Variants in DYNC2I2 observed in about 807,000 individuals in gnomAD.
DYNC2I2 encodes cytoplasmic dynein 2 intermediate chain 2.
In DYNC2I2, 39 loss-of-function variants were observed where a neutral mutation model predicts 52.0. That is an observed-to-expected ratio of 0.75 (90% CI 0.58 to 0.98). The LOEUF (loss-of-function observed/expected upper bound fraction) is 0.98, where lower values mean the gene tolerates loss of function less well. DYNC2I2 is among the 50% of genes least tolerant of loss of function. DYNC2I2 has a pLI of 0.00. For synonymous variants in DYNC2I2, 359 were observed against 321.1 expected, an observed-to-expected ratio of 1.12 and a Z score of -1.26; for missense variants, 743 against 728.4, an observed-to-expected ratio of 1.02 and a Z score of -0.23.
At chr9:128,657,095 G>T (rs150225188), upstream of DYNC2I2, among the ~76,000 whole-genome samples, 568 of 152,356 alleles carry the variant, frequency 3.7e-3, 10 homozygotes, top group East Asian at 0.012. Flanking sequence ...GGGCCTGGGA[G>T]CGCAGATCTG....
At chr9:128,683,571 G>C in the DYNC2I2 span, 1 of 283,058 alleles carries the variant, frequency 3.5e-6, no homozygotes, top group Non-Finnish European at 6.7e-6. Context: ...TAGGCTGCGG[G>C]GGTTTCACGT....
chr9:128,684,060 ACT>A, the DYNC2I2 span: 5 of 1,408,678 alleles, frequency 3.5e-6, no homozygotes, highest in East Asian at 2.5e-5. Context: ...GCAAGGATTG[ACT>A]CTCTGATTTT....
the DYNC2I2 span, among the ~76,000 whole-genome samples, chr9:128,671,869 G>C: frequency 1.3e-5 from 2 of 151,620 alleles, no homozygotes; most frequent in Admixed American, 6.6e-5. Flanking sequence ...TAGCCAGGAT[G>C]GTCTCGATCT....
intron 1 of DYNC2I2, 63 bp downstream of exon 1, chr9:128,656,478 G>T (rs187392767): frequency 7.6e-6 from 9 of 1,190,364 alleles, no homozygotes; most frequent in Non-Finnish European, 9.3e-6. Context: ...GAACCCGCCC[G>T]GCAGCCGCGC....
chr9:128,682,266 T>C, the DYNC2I2 span, among the ~76,000 whole-genome samples: 4 of 151,914 alleles, frequency 2.6e-5, no homozygotes, highest in African/African-American at 9.7e-5. Flanking sequence ...GCCAGGACGA[T>C]CTCGATCTCC....
At chr9:128,661,784 G>A (rs535392622), upstream of DYNC2I2, among the ~76,000 whole-genome samples, 2 of 151,714 alleles carry the variant, frequency 1.3e-5, no homozygotes, top group East Asian at 3.9e-4. Flanking sequence ...GCTCATGCCT[G>A]TAATCCCAGC....
chr9:128,636,820 C>G, intron 3 of DYNC2I2, 98 bp downstream of exon 3: 2 of 950,402 alleles, frequency 2.1e-6, no homozygotes, highest in South Asian at 1.5e-5. Flanking sequence ...GATGGCCAAG[C>G]TCTTAGAACC....
chr9:128,640,123 T>C (rs1408037799), intron 2 of DYNC2I2, among the ~76,000 whole-genome samples: 5 of 151,440 alleles, frequency 3.3e-5, no homozygotes, highest in Non-Finnish European at 7.4e-5. Context: ...TTCTCCTGCC[T>C]CAGCCTCCAG....
chr9:128,659,351 C>T (rs1010997490), upstream of DYNC2I2, among the ~76,000 whole-genome samples: 3 of 151,550 alleles, frequency 2.0e-5, no homozygotes, highest in East Asian at 2.0e-4. Context: ...AAAAATTAGC[C>T]GGGCGTGGTG....
At chr9:128,634,137 G>C (rs922022115) in intron 8 of DYNC2I2, 89 bp downstream of exon 8, 9 of 1,582,850 alleles carry the variant, frequency 5.7e-6, no homozygotes, top group Non-Finnish European at 7.7e-6. Context: ...CCCATGTGTG[G>C]TCTTTTCCCC....
Position 128,640,801 on chromosome 9 carries a change from C to G in DYNC2I2, c.325G>C (p.Ala109Pro). 1 of 1,614,186 alleles carries G rather than the reference C, an allele frequency of 6.2e-7. No individual in the cohort carries two copies. Among genetic ancestry groups the G allele is most frequent in the Non-Finnish European group, 8.5e-7 (1 of 1,180,042 alleles). Reference sequence around the variant, plus strand: ...GCCTCCACTCTCCGAAGAAAGGCTGCGAGCCTGGGTATGTCATACTGGGAC... The same window carrying G: ...GCCTCCACTCTCCGAAGAAAGGCTGGGAGCCTGGGTATGTCATACTGGGAC... ...PPSQYDIPRL[A>P]AFLRRVEAMV... The change falls in exon 2 of 9, where the codon GCA becomes CCA. Residue 109 changes from alanine (A) to proline (P), a missense_variant. By Grantham distance (27) the Ala-to-Pro change is conservative. Coordinates refer to ENST00000372715, the MANE Select transcript of DYNC2I2 (RefSeq NM_052844.4).
the DYNC2I2 span, among the ~76,000 whole-genome samples, chr9:128,672,832 G>A: frequency 6.6e-6 from 1 of 152,108 alleles, no homozygotes; most frequent in Non-Finnish European, 1.5e-5. Context: ...AGACCATCCT[G>A]GCTAACATGG....
chr9:128,672,620 A>G, the DYNC2I2 span, among the ~76,000 whole-genome samples: 1 of 152,146 alleles, frequency 6.6e-6, no homozygotes, highest in Non-Finnish European at 1.5e-5. Flanking sequence ...GAAAAAAAAA[A>G]AGGAAAAAAA....
the DYNC2I2 span, among the ~76,000 whole-genome samples, chr9:128,666,336 C>T: frequency 2.1e-5 from 3 of 143,490 alleles, no homozygotes; most frequent in East Asian, 2.1e-4. Flanking sequence ...GAACCAAGAT[C>T]GTGCCACTGC....
chr9:128,655,466 G>A (rs1242577009), intron 1 of DYNC2I2, among the ~76,000 whole-genome samples: 4 of 145,932 alleles, frequency 2.7e-5, no homozygotes, highest in Non-Finnish European at 6.0e-5. Context: ...AGCAGAGATC[G>A]CGCCATTGCA....
intron 5 of DYNC2I2, 122 bp from the exon 6 acceptor site, chr9:128,635,381 A>G (rs1036164004): frequency 4.9e-5 from 62 of 1,272,584 alleles, no homozygotes; most frequent in Non-Finnish European, 5.7e-5. Context: ...CCCCAGAACC[A>G]GGCTCACCCA....
chr9:128,670,635 C>T, the DYNC2I2 span, among the ~76,000 whole-genome samples: 1 of 151,740 alleles, frequency 6.6e-6, no homozygotes, highest in Non-Finnish European at 1.5e-5. Flanking sequence ...ATTCGGGAAG[C>T]TGAAGCAGGA....
chr9:128,666,928 C>T, the DYNC2I2 span, among the ~76,000 whole-genome samples: 16 of 151,754 alleles, frequency 1.1e-4, no homozygotes, highest in Non-Finnish European at 5.9e-5. Flanking sequence ...AGGCCAGGCG[C>T]GGTGGCTCAC....
intron 8 of DYNC2I2, 72 bp from the exon 9 acceptor site, chr9:128,634,054 G>C (rs981248938): frequency 1.3e-6 from 2 of 1,578,146 alleles, no homozygotes; most frequent in Non-Finnish European, 1.7e-6. Context: ...GGAGGCTAAT[G>C]CCCGGGTTCA....
Sources: allele counts gnomAD v4.1 joint callset (sites outside exome capture counted in the v4.1 genomes callset), GRCh38; gene constraint gnomAD v4.1.1; transcripts MANE v1.5; gene names NCBI Gene and HGNC (gene_info 2026-07-23, HGNC 2026-07-21).